Variants in PTPRT observed in about 807,000 individuals in gnomAD.
PTPRT encodes the protein protein tyrosine phosphatase receptor type T.
In PTPRT, 56 loss-of-function variants were observed where a neutral mutation model predicts 176.8. The ratio of observed to expected loss-of-function variants is 0.32; its 90% CI spans 0.26 to 0.40. The LOEUF is 0.40. PTPRT is among the 10% of genes least tolerant of loss of function. The pLI is 1.00. For missense variants in PTPRT, 1,540 were observed against 1,908.2 expected (o/e 0.81, Z 3.60); for synonymous variants, 783 against 739.0 (o/e 1.06, Z -0.96).
chr20:42,396,549 C>T (rs534062795), intron 9 of PTPRT, among the ~76,000 whole-genome samples: 33 of 152,270 alleles, frequency 2.2e-4, no homozygotes, highest in African/African-American at 6.0e-4. Flanking sequence ...CAGTCTCTCC[C>T]GTGAGGCCCT....
At chr20:42,663,177 G>A (rs1453320724) in intron 7 of PTPRT, among the ~76,000 whole-genome samples, 2 of 152,050 alleles carry the variant, frequency 1.3e-5, no homozygotes, top group African/African-American at 2.4e-5. Flanking sequence ...CCCACTTAAT[G>A]TTCAGTTCAG....
In PTPRT at chr20:43,045,455, A is replaced by ATTTTT. The variant is rs143406929; in HGVS notation, c.88+144186_88+144190dup. On this transcript the variant is annotated intron_variant, in intron 1 of 30. Transcript: ENST00000373187. ...TAACTTTTTTCTTTTTCTTTTTTTC[A>ATTTTT]TTTTTTTTTTTTTTTTGAGTCACAG... Among the ~76,000 whole-genome samples the ATTTTT allele has an allele frequency of 3.6e-3, 460 of 127,226 alleles. 14 individuals are homozygous for ATTTTT. The highest frequency in any genetic ancestry group is 0.013 in the Middle Eastern group (3 of 240). The allele number at this position is 127,226 out of a possible 152,430, so 83.5% of individuals were successfully genotyped here. A position where few individuals can be genotyped will look rare whatever the true frequency, so the allele number is the denominator to read the frequency against.
intron 11 of PTPRT, among the ~76,000 whole-genome samples, chr20:42,334,998 T>A (rs1258380157): frequency 6.6e-6 from 1 of 152,206 alleles, no homozygotes; most frequent in Non-Finnish European, 1.5e-5. Flanking sequence ...CATCAGTGGA[T>A]GAGCAGTTTT....
intron 1 of PTPRT, among the ~76,000 whole-genome samples, chr20:42,958,027 G>A (rs1600593911): frequency 6.6e-6 from 1 of 151,148 alleles, no homozygotes; most frequent in East Asian, 2.0e-4. Context: ...AGTCAAGCAA[G>A]GGACCCAAAA....
intron 6 of PTPRT, among the ~76,000 whole-genome samples, chr20:42,714,411 G>C (rs2076192962): frequency 6.6e-6 from 1 of 152,268 alleles, no homozygotes; most frequent in Middle Eastern, 3.4e-3. Flanking sequence ...CAAATTCTGT[G>C]ACAGGTGCAG....
At chr20:42,446,699 A>G (rs990330144) in intron 9 of PTPRT, among the ~76,000 whole-genome samples, 9 of 151,018 alleles carry the variant, frequency 6.0e-5, no homozygotes, top group African/African-American at 1.7e-4. Flanking sequence ...GTTTCAGTTA[A>G]ATTTTCGAAC....
intron 1 of PTPRT, among the ~76,000 whole-genome samples, chr20:43,009,815 G>C (rs1019264966): frequency 6.6e-6 from 1 of 152,108 alleles, no homozygotes; most frequent in Non-Finnish European, 1.5e-5. Flanking sequence ...AGAGACCCAG[G>C]GTTCCTCATA....
chr20:42,718,599 T>C (rs755659315), intron 6 of PTPRT, among the ~76,000 whole-genome samples: 1 of 152,132 alleles, frequency 6.6e-6, no homozygotes, highest in Non-Finnish European at 1.5e-5. Context: ...TCAAATATAA[T>C]TTCAAGTGGA....
intron 1 of PTPRT, among the ~76,000 whole-genome samples, chr20:42,981,368 T>C (rs1983261832): frequency 6.6e-6 from 1 of 152,242 alleles, no homozygotes; most frequent in African/African-American, 2.4e-5. Context: ...GGGAGATTGT[T>C]TGCAATATCT....
chr20:43,171,002 A>T (rs118047819), intron 1 of PTPRT, among the ~76,000 whole-genome samples: 91 of 152,332 alleles, frequency 6.0e-4, no homozygotes, highest in Non-Finnish European at 9.4e-4. Flanking sequence ...CAGCTGCGTG[A>T]CTGAGTATGT....
intron 9 of PTPRT, among the ~76,000 whole-genome samples, chr20:42,445,697 C>A (rs1424015861): frequency 1.3e-5 from 2 of 152,148 alleles, no homozygotes; most frequent in Non-Finnish European, 2.9e-5. Context: ...AATTATAGCC[C>A]AAGTCACAGC....
chr20:43,141,919 T>C (rs1184341253), intron 1 of PTPRT, among the ~76,000 whole-genome samples: 2 of 152,174 alleles, frequency 1.3e-5, no homozygotes, highest in African/African-American at 4.8e-5. Flanking sequence ...TCAGGCACCC[T>C]TGATCAGATG....
chr20:42,316,027 G>T (rs747010563), intron 11 of PTPRT, 31 bp from the exon 12 acceptor site: 2 of 1,607,906 alleles, frequency 1.2e-6, no homozygotes, highest in Non-Finnish European at 1.7e-6. Flanking sequence ...ACAGATGGTT[G>T]AGCAACTTTC....
At chr20:42,179,941 T>C (rs543626737) in intron 16 of PTPRT, among the ~76,000 whole-genome samples, 3 of 152,200 alleles carry the variant, frequency 2.0e-5, no homozygotes, top group Non-Finnish European at 4.4e-5. Flanking sequence ...AAATCAATGC[T>C]AGATCATCTT....
At chr20:42,381,300 C>A (rs1462365806) in intron 9 of PTPRT, among the ~76,000 whole-genome samples, 1 of 152,106 alleles carries the variant, frequency 6.6e-6, no homozygotes, top group Non-Finnish European at 1.5e-5. Context: ...TATTGGACAA[C>A]AAAACGTGAG....
At position 43,032,878 on chromosome 20, in the gene PTPRT, TC is replaced by T. The variant is rs1185004416; in HGVS notation, c.89-146947del. Among the ~76,000 whole-genome samples the T allele has an allele frequency of 3.3e-5, 5 of 152,152 alleles. 1 individual carries two copies. Among genetic ancestry groups the T allele is most frequent in the African/African-American group, 1.2e-4 (5 of 41,432 alleles). On this transcript the variant is annotated intron_variant, in intron 1 of 30. Transcript: ENST00000373187. ...ATGTCCAGCTCCCTTTCCAGACACCTCCCAGATATAAACGCATGATGTGCGA... is the reference window on the plus strand; with the variant it reads ...ATGTCCAGCTCCCTTTCCAGACACCTCCAGATATAAACGCATGATGTGCGA...
chr20:42,129,833 AC>A (rs1392234797), intron 18 of PTPRT, among the ~76,000 whole-genome samples: 2 of 152,020 alleles, frequency 1.3e-5, no homozygotes, highest in South Asian at 4.2e-4. Context: ...ATTAACCAAA[AC>A]CCCCTTGAGA....
intron 2 of PTPRT, among the ~76,000 whole-genome samples, chr20:42,824,859 T>A (rs971267104): frequency 2.0e-5 from 3 of 151,986 alleles, no homozygotes; most frequent in Admixed American, 6.6e-5. Flanking sequence ...TGAAAAAATG[T>A]AAGTACCAGG....
intron 7 of PTPRT, among the ~76,000 whole-genome samples, chr20:42,617,700 C>A (rs1175269837): frequency 7.2e-6 from 1 of 139,600 alleles, no homozygotes; most frequent in Non-Finnish European, 1.5e-5. Context: ...TTATCCATTT[C>A]TTCTAGATTT....
Sources: gnomAD v4.1 joint callset for allele counts (sites outside exome capture counted in the v4.1 genomes callset) on GRCh38, gnomAD v4.1.1 for gene constraint, MANE v1.5 for transcripts, NCBI Gene and HGNC (gene_info 2026-07-23, HGNC 2026-07-21) for gene names.